HECW2: variants seen among roughly 807,000 people sequenced by gnomAD.
HECW2 encodes HECT, C2 and WW domain containing E3 ubiquitin protein ligase 2, also known as E3 ubiquitin-protein ligase HECW2.
HECW2 carries 61 observed loss-of-function variants against 175.2 expected under a neutral mutation model. That is an observed-to-expected ratio of 0.35 (90% CI 0.28 to 0.43). The LOEUF (loss-of-function observed/expected upper bound fraction) is 0.43. Among genes scored for constraint, HECW2 ranks in the 20% least tolerant of loss-of-function variants. HECW2 has a pLI of 1.00. For missense variants in HECW2, 1,524 were observed against 2,000.5 expected, an observed-to-expected ratio of 0.76 and a Z score of 4.54; for synonymous variants, 671 against 731.0, an observed-to-expected ratio of 0.92 and a Z score of 1.32.
intron 1 of HECW2, among the ~76,000 whole-genome samples, chr2:196,577,797 CCAGA>C (rs1336575801): frequency 6.6e-6 from 1 of 152,104 alleles, no homozygotes; most frequent in East Asian, 1.9e-4. Context: ...ACTAATATAA[CCAGA>C]CAGAGACTCC....
chr2:196,311,307 G>GA (rs1691487785), intron 10 of HECW2, among the ~76,000 whole-genome samples: 1 of 152,198 alleles, frequency 6.6e-6, no homozygotes, highest in African/African-American at 2.4e-5. Flanking sequence ...CAGGTCTTCA[G>GA]AATCAGACTA....
intron 15 of HECW2, among the ~76,000 whole-genome samples, chr2:196,275,519 C>T (rs532973683): frequency 5.3e-4 from 80 of 152,158 alleles, no homozygotes; most frequent in African/African-American, 1.7e-3. Flanking sequence ...TTTGGGTGGC[C>T]AAGGCGGGCG....
At chr2:196,257,791 T>A in intron 18 of HECW2, 32 bp downstream of exon 18, 1 of 1,463,506 alleles carries the variant, frequency 6.8e-7, no homozygotes, top group Non-Finnish European at 9.6e-7. Flanking sequence ...ACAAGAGACC[T>A]TCTGCTTCAA....
intron 1 of HECW2, among the ~76,000 whole-genome samples, chr2:196,466,308 A>T (rs1332124286): frequency 6.6e-6 from 1 of 152,208 alleles, no homozygotes; most frequent in Non-Finnish European, 1.5e-5. Context: ...GCTTGAATTA[A>T]GCCACAATGA....
At chr2:196,377,152 T>C (rs1575478045) in intron 2 of HECW2, among the ~76,000 whole-genome samples, 1 of 152,278 alleles carries the variant, frequency 6.6e-6, no homozygotes, top group Non-Finnish European at 1.5e-5. Flanking sequence ...CACGGAAAAG[T>C]AGCTTAAACT....
At chr2:196,412,777 A>C (rs1456726331) in intron 2 of HECW2, among the ~76,000 whole-genome samples, 2 of 152,254 alleles carry the variant, frequency 1.3e-5, no homozygotes, top group African/African-American at 4.8e-5. Context: ...ATCCCTGCCA[A>C]AAATAGAAAG....
chr2:196,531,246 T>G (rs1688828820), intron 1 of HECW2, among the ~76,000 whole-genome samples: 1 of 152,212 alleles, frequency 6.6e-6, no homozygotes, highest in Non-Finnish European at 1.5e-5. Context: ...GCTGACTAAT[T>G]CCAAACTATT....
At chr2:196,474,256 A>G (rs1392192097) in intron 1 of HECW2, among the ~76,000 whole-genome samples, 2 of 152,234 alleles carry the variant, frequency 1.3e-5, no homozygotes, top group Admixed American at 6.5e-5. Flanking sequence ...TAAGTATTCA[A>G]TATCTTTTGG....
At chr2:196,573,169 G>A (rs1297678046) in intron 1 of HECW2, among the ~76,000 whole-genome samples, 6 of 150,672 alleles carry the variant, frequency 4.0e-5, no homozygotes, top group Non-Finnish European at 1.5e-5. Context: ...AATTCAGTAA[G>A]AGGGGAAAAC....
intron 25 of HECW2, 52 bp downstream of exon 25, chr2:196,220,743 T>C: frequency 6.4e-7 from 1 of 1,564,284 alleles, no homozygotes. Flanking sequence ...AGATGGACTG[T>C]GGCATCATTG....
chr2:196,281,309 G>A (rs1575350226), intron 14 of HECW2, among the ~76,000 whole-genome samples: 1 of 152,002 alleles, frequency 6.6e-6, no homozygotes, highest in African/African-American at 2.4e-5. Flanking sequence ...AAAATACAAG[G>A]AGACAACTAA....
At chr2:196,379,071 C>T (rs1466879291) in intron 2 of HECW2, among the ~76,000 whole-genome samples, 1 of 142,178 alleles carries the variant, frequency 7.0e-6, no homozygotes, top group Non-Finnish European at 1.5e-5. Flanking sequence ...AAAGACAATA[C>T]CAGTGAGCAA....
chr2:196,470,513 G>A (rs576968568), intron 1 of HECW2, among the ~76,000 whole-genome samples: 1 of 152,238 alleles, frequency 6.6e-6, no homozygotes, highest in Non-Finnish European at 1.5e-5. Flanking sequence ...TCATATTGAA[G>A]TTGTGTTTTG....
chr2:196,384,371 AG>A (rs1046293276), intron 2 of HECW2, among the ~76,000 whole-genome samples: 1 of 152,104 alleles, frequency 6.6e-6, no homozygotes, highest in Non-Finnish European at 1.5e-5. Context: ...GCTTGAGCCC[AG>A]GAGTTTGAGA....
chr2:196,266,184 A>C (rs1046493880), intron 17 of HECW2, among the ~76,000 whole-genome samples: 3 of 148,566 alleles, frequency 2.0e-5, no homozygotes, highest in African/African-American at 5.2e-5. Context: ...AAAAAAAAAA[A>C]AAACACAAAA....
At chr2:196,247,792 G>A (rs967580126) in intron 19 of HECW2, among the ~76,000 whole-genome samples, 2 of 152,036 alleles carry the variant, frequency 1.3e-5, no homozygotes, top group Non-Finnish European at 2.9e-5. Flanking sequence ...TTTGATTCTG[G>A]GTGTGTGACC....
intron 1 of HECW2, among the ~76,000 whole-genome samples, chr2:196,510,221 G>A (rs2125414720): frequency 6.6e-6 from 1 of 152,288 alleles, no homozygotes; most frequent in South Asian, 2.1e-4. Flanking sequence ...TTGGCTAGAT[G>A]GGATGAAGCC....
At chr2:196,402,310 A>C (rs1694844433) in intron 2 of HECW2, among the ~76,000 whole-genome samples, 3 of 152,062 alleles carry the variant, frequency 2.0e-5, no homozygotes, top group Admixed American at 1.3e-4. Flanking sequence ...GTGCAGCTAT[A>C]TACTGGCCCT....
intron 2 of HECW2, chr2:196,361,774 C>T (rs1693595655): frequency 1.0e-6 from 1 of 980,890 alleles, no homozygotes; most frequent in Non-Finnish European, 1.2e-6. Context: ...AATCAAGTGA[C>T]AGTGGAATTC....
Sources: gnomAD v4.1 joint callset for allele counts (sites outside exome capture counted in the v4.1 genomes callset) on GRCh38, gnomAD v4.1.1 for gene constraint, MANE v1.5 for transcripts, NCBI Gene and HGNC (gene_info 2026-07-23, HGNC 2026-07-21) for gene names.